Variants in SNX29 observed in about 807,000 individuals in gnomAD.
The protein encoded by SNX29 is sorting nexin 29.
Under a neutral mutation model 102.1 loss-of-function variants are expected in SNX29, and 78 were observed. The ratio of observed to expected loss-of-function variants is 0.76; its 90% CI spans 0.64 to 0.92. SNX29 has a LOEUF of 0.92. SNX29 is among the 40% of genes least tolerant of loss of function. The pLI, the probability that SNX29 is intolerant of heterozygous loss-of-function variation, is 0.00. For missense variants in SNX29, 1,280 were observed against 1,061.7 expected (o/e 1.21, Z -2.86); for synonymous variants, 580 against 414.5 (o/e 1.40, Z -4.85).
At chr16:12,184,855 T>C (rs1379609329) in intron 13 of SNX29, among the ~76,000 whole-genome samples, 1 of 152,214 alleles carries the variant, frequency 6.6e-6, no homozygotes, top group East Asian at 1.9e-4. Flanking sequence ...TGTTTTCCTT[T>C]TGCTGTATCA....
At chr16:12,022,799 A>G (rs1412815163) in intron 3 of SNX29, among the ~76,000 whole-genome samples, 1 of 152,078 alleles carries the variant, frequency 6.6e-6, no homozygotes, top group African/African-American at 2.4e-5. Context: ...GTTTCATGGA[A>G]TCATACAGTG....
chr16:12,407,484 A>G (rs1267185723), intron 18 of SNX29, among the ~76,000 whole-genome samples: 3 of 152,242 alleles, frequency 2.0e-5, no homozygotes, highest in African/African-American at 2.4e-5. Flanking sequence ...TAAATAAACA[A>G]TCGTGAAAAC....
Position 12,572,126 on chromosome 16 carries a change from T to G in SNX29, c.*3497T>G. On this transcript the variant is annotated 3_prime_UTR_variant, in exon 21 of 21. Coordinates refer to ENST00000566228, the MANE Select transcript of SNX29 (RefSeq NM_032167.5). ...TGGGTCTGATCACAGCCCTTGGCCC[T>G]GCTTCATACTTTGGAGCTTATTAAG... 9.7e-7 allele frequency: 1 copy of G among 1,027,412 alleles called. No individual in the cohort carries two copies. Among genetic ancestry groups the G allele is most frequent in the Middle Eastern group, 4.3e-4 (1 of 2,326 alleles). 63.6% of individuals were successfully genotyped at this position (1,027,412 alleles called of 1,614,324 possible).
At chr16:12,374,761 A>T (rs1200178630) in intron 16 of SNX29, 1 of 152,154 alleles carries the variant, frequency 6.6e-6, no homozygotes, top group Non-Finnish European at 1.5e-5. Flanking sequence ...CCCCCAGATC[A>T]GCTGCAGGAG....
At chr16:12,422,884 G>A (rs537712337) in intron 18 of SNX29, among the ~76,000 whole-genome samples, 5 of 152,322 alleles carry the variant, frequency 3.3e-5, no homozygotes, top group African/African-American at 1.2e-4. Context: ...TGCTGGTGGT[G>A]TACGGAGATA....
intron 19 of SNX29, among the ~76,000 whole-genome samples, chr16:12,481,781 C>T (rs909896387): frequency 1.1e-4 from 16 of 152,190 alleles, no homozygotes; most frequent in Admixed American, 7.9e-4. Flanking sequence ...GTGATCCTCC[C>T]ACCTCGGCCT....
chr16:12,079,271 A>T (rs2051742797), intron 11 of SNX29, among the ~76,000 whole-genome samples: 1 of 152,228 alleles, frequency 6.6e-6, no homozygotes, highest in Admixed American at 6.5e-5. Flanking sequence ...AGTGAAGAAG[A>T]ATATGTCTCT....
chr16:12,561,634 A>G (rs905969959), intron 20 of SNX29, among the ~76,000 whole-genome samples: 1 of 152,156 alleles, frequency 6.6e-6, no homozygotes, highest in Non-Finnish European at 1.5e-5. Context: ...GAGGCTTATT[A>G]AAAAGAACAG....
At chr16:12,348,549 C>T (rs1567464166) in intron 15 of SNX29, among the ~76,000 whole-genome samples, 2 of 148,978 alleles carry the variant, frequency 1.3e-5, no homozygotes, top group African/African-American at 5.2e-5. Context: ...TGTGTGTGTA[C>T]ATGTGTGTGT....
intron 4 of SNX29, among the ~76,000 whole-genome samples, chr16:12,042,666 T>A (rs2049930971): frequency 6.6e-6 from 1 of 152,262 alleles, no homozygotes; most frequent in African/African-American, 2.4e-5. Context: ...TTTGTTCTTT[T>A]TCATGGCTGC....
intron 15 of SNX29, among the ~76,000 whole-genome samples, chr16:12,322,383 C>T (rs1308390028): frequency 1.3e-5 from 2 of 152,160 alleles, no homozygotes; most frequent in Non-Finnish European, 2.9e-5. Flanking sequence ...GTGTTCATGA[C>T]AGTTCTCTTG....
At chr16:12,268,156 T>A (rs142456370) in intron 14 of SNX29, among the ~76,000 whole-genome samples, 70 of 152,342 alleles carry the variant, frequency 4.6e-4, no homozygotes, top group African/African-American at 1.4e-3. Context: ...ACCATCATTT[T>A]CTCACACTTT....
intron 20 of SNX29, among the ~76,000 whole-genome samples, chr16:12,528,884 G>C (rs765035166): frequency 6.6e-6 from 1 of 152,250 alleles, no homozygotes; most frequent in African/African-American, 2.4e-5. Flanking sequence ...GGGCAGGAAA[G>C]ATAAAAACCA....
rs374533934 is a variant in SNX29 at position 12,570,360 on chromosome 16, G to A, written c.*1731G>A. On this transcript the variant is annotated 3_prime_UTR_variant, in exon 21 of 21. Coordinates refer to ENST00000566228, the MANE Select transcript of SNX29 (RefSeq NM_032167.5). ...CTCCCACTCACCTGCCAACATTGCT[G>A]CAATACACATGGTTTATCTGAAATT... The A allele has an allele frequency of 7.0e-5, 35 of 501,866 alleles. No individual in the cohort carries two copies. In the South Asian group the frequency reaches 1.0e-3, roughly 14 times the overall value. 31.1% of individuals were successfully genotyped at this position (501,866 alleles called of 1,614,324 possible).
At chr16:12,531,313 T>C (rs1291446475) in intron 20 of SNX29, among the ~76,000 whole-genome samples, 1 of 152,180 alleles carries the variant, frequency 6.6e-6, no homozygotes, top group Admixed American at 6.5e-5. Flanking sequence ...GCTGGAGCCC[T>C]GGCAGGTGTG....
At chr16:12,346,291 T>C (rs1332447089) in intron 15 of SNX29, among the ~76,000 whole-genome samples, 1 of 152,202 alleles carries the variant, frequency 6.6e-6, no homozygotes, top group African/African-American at 2.4e-5. Flanking sequence ...TGGACACTTC[T>C]GCTGGTGCCT....
In SNX29 at chr16:12,009,325, C is replaced by A. The variant is rs527486452; in HGVS notation, c.122+6282C>A. On this transcript the variant is annotated intron_variant, in intron 3 of 20. Transcript: ENST00000566228. ...TGGATTTGGGAGCCTAAATGGTGCA[C>A]CGTATTTTGCCAAAATACAAAATCC... Among the ~76,000 whole-genome samples the A allele has an allele frequency of 6.2e-4, 94 of 151,970 alleles. 1 individual carries two copies. The highest frequency in any genetic ancestry group is 2.2e-3 in the African/African-American group (93 of 41,434).
chr16:12,355,778 G>A (rs990580273), intron 15 of SNX29, among the ~76,000 whole-genome samples: 22 of 144,996 alleles, frequency 1.5e-4, no homozygotes, highest in Non-Finnish European at 2.7e-4. Context: ...GGACCACAGC[G>A]CATAGCCAGG....
chr16:12,422,506 C>T (rs998434493), intron 18 of SNX29, among the ~76,000 whole-genome samples: 13 of 152,218 alleles, frequency 8.5e-5, no homozygotes, highest in Non-Finnish European at 1.9e-4. Flanking sequence ...CAGCTTGTTT[C>T]CCTCTCAGCT....
Sources: gnomAD v4.1 joint callset for allele counts (sites outside exome capture counted in the v4.1 genomes callset) on GRCh38, gnomAD v4.1.1 for gene constraint, MANE v1.5 for transcripts, NCBI Gene and HGNC (gene_info 2026-07-23, HGNC 2026-07-21) for gene names.